The following UBXN2B variants were observed in gnomAD, a reference collection of about 807,000 sequenced individuals.
The protein encoded by UBXN2B is UBX domain protein 2B.
UBXN2B carries 19 observed loss-of-function variants against 37.5 expected under a neutral mutation model. That is an observed-to-expected ratio of 0.51 (90% CI 0.35 to 0.74). The LOEUF (loss-of-function observed/expected upper bound fraction) is 0.74. UBXN2B is among the 30% of genes least tolerant of loss of function. The probability of loss-of-function intolerance (pLI) is 0.01; values close to 1 mark genes in which losing one functional copy is unlikely to be tolerated. For missense variants in UBXN2B, 370 were observed against 393.2 expected (o/e 0.94, Z 0.50); for synonymous variants, 145 against 143.8 (o/e 1.01, Z -0.06).
intron 2 of UBXN2B, among the ~76,000 whole-genome samples, chr8:58,428,347 TAGTC>T (rs1253549028): frequency 6.6e-6 from 1 of 152,234 alleles, no homozygotes; most frequent in Non-Finnish European, 1.5e-5. Flanking sequence ...CTGGAGGTTT[TAGTC>T]AGCACAATGA....
intron 4 of UBXN2B, 29 bp from the exon 5 acceptor site, chr8:58,434,366 T>A: frequency 1.8e-6 from 1 of 553,814 alleles, no homozygotes; most frequent in South Asian, 6.1e-5. Context: ...TATATATATA[T>A]ATATTTTTTT....
At chr8:58,426,021 G>A in intron 2 of UBXN2B, 1 of 1,424,612 alleles carries the variant, frequency 7.0e-7, no homozygotes, top group Non-Finnish European at 9.9e-7. Flanking sequence ...CCAGAGAGGT[G>A]TCCCTGAAAC....
At chr8:58,420,580 G>T (rs1335097315) in intron 2 of UBXN2B, among the ~76,000 whole-genome samples, 2 of 152,012 alleles carry the variant, frequency 1.3e-5, no homozygotes, top group Non-Finnish European at 2.9e-5. Context: ...TTAATTGTAG[G>T]TCTAGTCATC....
At chr8:58,418,266 AT>A (rs1468357191) in intron 2 of UBXN2B, among the ~76,000 whole-genome samples, 2 of 144,572 alleles carry the variant, frequency 1.4e-5, no homozygotes, top group East Asian at 2.0e-4. Flanking sequence ...AAAAAAAAAA[AT>A]TAATAGTAAT....
Position 58,448,038 on chromosome 8 carries a change from TA to T in UBXN2B, c.*488del, listed in dbSNP as rs1384270971. 1 of 152,460 alleles carries T rather than the reference TA, an allele frequency of 6.6e-6. No individual in the cohort carries two copies. The highest frequency in any genetic ancestry group is 2.4e-5 in the African/African-American group (1 of 41,564). The allele number at this position is 152,460 out of a possible 1,614,324, so 9.4% of individuals were successfully genotyped here. A position where few individuals can be genotyped will look rare whatever the true frequency, so the allele number is the denominator to read the frequency against. Reference sequence around the variant, plus strand: ...TTGATCATACAATAATTATTTCTCCTATTAAGATTTTACACATCCTTTTTAC... The same window carrying T: ...TTGATCATACAATAATTATTTCTCCTTTAAGATTTTACACATCCTTTTTAC... On this transcript the variant is annotated 3_prime_UTR_variant, in exon 8 of 8. Coordinates refer to ENST00000399598, the MANE Select transcript of UBXN2B (RefSeq NM_001077619.2).
Position 58,411,458 on chromosome 8 carries a change from C to A in UBXN2B, c.73C>A (p.Arg25=). ...RSSGPRPPSA[R]DLQLALAELY... ...TTCCGGGCCGCGGCCTCCGAGCGCG[C>A]GGGATTTGCAGGTGAGGCGAGGAGC... The change falls in exon 1 of 8, where the codon CGG becomes AGG. Residue 25 remains arginine (R), a synonymous_variant. Coordinates refer to ENST00000399598, the MANE Select transcript of UBXN2B (RefSeq NM_001077619.2). 8.0e-7 allele frequency: 1 copy of A among 1,254,504 alleles called. No homozygotes were observed. Among genetic ancestry groups the A allele is most frequent in the Non-Finnish European group, 1.0e-6 (1 of 994,320 alleles). 77.7% of individuals were successfully genotyped at this position (1,254,504 alleles called of 1,614,324 possible). A position where few individuals can be genotyped will look rare whatever the true frequency, so the allele number is the denominator to read the frequency against.
intron 1 of UBXN2B, chr8:58,413,293 C>T (rs1203560985): frequency 2.0e-5 from 3 of 151,986 alleles, no homozygotes; most frequent in African/African-American, 4.8e-5. Flanking sequence ...ATAATCTTTC[C>T]TTTAGAACTT....
chr8:58,432,627 C>T (rs1257606510), intron 3 of UBXN2B, among the ~76,000 whole-genome samples: 1 of 152,092 alleles, frequency 6.6e-6, no homozygotes, highest in Non-Finnish European at 1.5e-5. Context: ...CGTGATCCGC[C>T]TGCCTCGGCC....
chr8:58,426,711 A>G, intron 2 of UBXN2B: 1 of 687,174 alleles, frequency 1.5e-6, no homozygotes, highest in South Asian at 1.4e-5. Flanking sequence ...CGGCTCCGTG[A>G]CAGACCCGTT....
chr8:58,446,203 GA>G, intron 7 of UBXN2B, 135 bp downstream of exon 7: 1 of 924,598 alleles, frequency 1.1e-6, no homozygotes, highest in Non-Finnish European at 1.5e-6. Flanking sequence ...GTTTTTGACA[GA>G]AGAAACATTT....
chr8:58,425,237 C>A (rs1271942679), intron 2 of UBXN2B: 12 of 1,090,408 alleles, frequency 1.1e-5, no homozygotes, highest in Non-Finnish European at 1.7e-5. Context: ...ATGCCATATT[C>A]TTTTAGAGCA....
In UBXN2B at chr8:58,448,915, G is replaced by A. The variant is rs1390830805; in HGVS notation, c.*1364G>A. ...AGGAGTCCAGGTTAAGAGTTTCGCG[G>A]TGCCAAGATCAATTTGTTGGCAGGG... On this transcript the variant is annotated 3_prime_UTR_variant, in exon 8 of 8. Transcript: ENST00000399598. 6.6e-6 allele frequency: 1 copy of A among 152,184 alleles called. No individual in the cohort carries two copies. Among genetic ancestry groups the A allele is most frequent in the Non-Finnish European group, 1.5e-5 (1 of 68,044 alleles). The allele number at this position is 152,184 out of a possible 1,614,324, so 9.4% of individuals were successfully genotyped here. A position where few individuals can be genotyped will look rare whatever the true frequency, so the allele number is the denominator to read the frequency against.
At chr8:58,424,929 C>T in intron 2 of UBXN2B, 1 of 846,982 alleles carries the variant, frequency 1.2e-6, no homozygotes, top group Non-Finnish European at 2.1e-6. Context: ...CAACACCTTT[C>T]TCTCTGTTGA....
At chr8:58,420,386 G>A (rs542200405) in intron 2 of UBXN2B, among the ~76,000 whole-genome samples, 143 of 152,214 alleles carry the variant, frequency 9.4e-4, no homozygotes, top group South Asian at 6.0e-3. Flanking sequence ...CATAATGTAA[G>A]TGGGCAAAAA....
At chr8:58,421,581 ACTGGGCTCTCTCATTACTGGCC>A (rs1280578899) in intron 2 of UBXN2B, among the ~76,000 whole-genome samples, 3 of 152,226 alleles carry the variant, frequency 2.0e-5, no homozygotes, top group African/African-American at 7.2e-5. Context: ...CCCATTACTG[ACTGGGCTCTCTCATTACTGGCC>A]CTGGGCTCTC....
chr8:58,416,804 G>A, intron 1 of UBXN2B, 46 bp from the exon 2 acceptor site: 1 of 1,541,946 alleles, frequency 6.5e-7, no homozygotes, highest in Non-Finnish European at 8.9e-7. Context: ...GTATGGAAGA[G>A]GTTATTCCTA....
At chr8:58,442,569 T>C (rs915153230) in intron 6 of UBXN2B, among the ~76,000 whole-genome samples, 16 of 152,350 alleles carry the variant, frequency 1.1e-4, no homozygotes, top group Middle Eastern at 3.4e-3. Flanking sequence ...TCATGTGATA[T>C]ACAATTATGG....
At position 58,416,052 on chromosome 8, in the gene UBXN2B, T is replaced by C. The variant is rs1047423371; in HGVS notation, c.85-798T>C. Among the ~76,000 whole-genome samples, 95 of 151,280 alleles carry C rather than the reference T, an allele frequency of 6.3e-4. 5 individuals are homozygous for C. Among genetic ancestry groups the C allele is most frequent in the Admixed American group, 6.6e-5 (1 of 15,234 alleles). On this transcript the variant is annotated intron_variant, in intron 1 of 7. Transcript: ENST00000399598. ...TTTTTTGTTTGTTTGTTTTTTGGGT[T>C]TTTTTTGAAAAAAACAAAAAAAAAA...
At chr8:58,423,192 C>T (rs1585599596) in intron 2 of UBXN2B, among the ~76,000 whole-genome samples, 1 of 152,264 alleles carries the variant, frequency 6.6e-6, no homozygotes, top group African/African-American at 2.4e-5. Context: ...GCCACTTCTG[C>T]TTTTGAGCTC....
Sources: gnomAD v4.1 joint callset for allele counts (sites outside exome capture counted in the v4.1 genomes callset) on GRCh38, gnomAD v4.1.1 for gene constraint, MANE v1.5 for transcripts, NCBI Gene and HGNC (gene_info 2026-07-23, HGNC 2026-07-21) for gene names.